Variants in SH3D19 observed in about 807,000 individuals in gnomAD.
SH3D19 encodes the protein SH3 domain-containing protein 19.
SH3D19 carries 58 observed loss-of-function variants against 112.1 expected under a neutral mutation model. The observed-to-expected ratio is 0.52, with a 90% confidence interval of 0.42 to 0.64. The LOEUF (loss-of-function observed/expected upper bound fraction) is 0.64. Ranked by LOEUF, SH3D19 falls within the 30% of genes least tolerant of loss-of-function variation. The pLI is 0.00. For synonymous variants in SH3D19, 391 were observed against 448.5 expected, an observed-to-expected ratio of 0.87 and a Z score of 1.62; for missense variants, 1,090 against 1,263.4, an observed-to-expected ratio of 0.86 and a Z score of 2.08.
At chr4:151,265,569 CT>C (rs763878307) in intron 1 of SH3D19, among the ~76,000 whole-genome samples, 4,821 of 126,100 alleles carry the variant, frequency 0.038, 338 homozygotes, top group African/African-American at 0.15. Context: ...TATTTCTTTT[CT>C]TTTTTTTTTT....
chr4:151,274,978 G>C (rs1369561414), intron 1 of SH3D19, among the ~76,000 whole-genome samples: 1 of 152,086 alleles, frequency 6.6e-6, no homozygotes, highest in Non-Finnish European at 1.5e-5. Context: ...ACTCATATGA[G>C]ATTAGAACCC....
chr4:151,177,019 T>C lies in SH3D19; in HGVS notation c.237-64A>G, dbSNP rs576485400. 66 of 1,221,532 alleles carry C rather than the reference T, an allele frequency of 5.4e-5. No homozygotes were observed. The South Asian group carries it at 2.4e-3, about 44-fold the overall frequency. The allele number at this position is 1,221,532 out of a possible 1,614,324, so 75.7% of individuals were successfully genotyped here. ...TAACAAGCTATTGTCTATCTATAAA[T>C]GTTCAAAGATTCATGAAAACCACCA... On this transcript the variant is annotated intron_variant, in intron 4 of 19. Transcript: ENST00000604030.
At chr4:151,290,985 G>C (rs1463882763) in intron 1 of SH3D19, 1 of 634,998 alleles carries the variant, frequency 1.6e-6, no homozygotes, top group Non-Finnish European at 2.7e-6. Flanking sequence ...GCAGTGATTA[G>C]TCCAGCCCCC....
chr4:151,311,969 C>T (rs1038825979), intron 1 of SH3D19, among the ~76,000 whole-genome samples: 191 of 152,024 alleles, frequency 1.3e-3, no homozygotes, highest in African/African-American at 4.5e-3. Flanking sequence ...CCAAGTATAT[C>T]GCATGGTGAC....
chr4:151,144,275 T>A, intron 11 of SH3D19: 1 of 1,614,034 alleles, frequency 6.2e-7, no homozygotes, highest in Non-Finnish European at 8.5e-7. Context: ...GGCAATTCCA[T>A]GAGGCACAGA....
intron 1 of SH3D19, among the ~76,000 whole-genome samples, chr4:151,271,143 C>CT (rs1178862965): frequency 3.9e-5 from 6 of 152,102 alleles, no homozygotes; most frequent in Non-Finnish European, 7.4e-5. Context: ...CCAGGCTGGT[C>CT]TTGAATTCCT....
chr4:151,154,938 A>C (rs1755799961), intron 9 of SH3D19, among the ~76,000 whole-genome samples: 1 of 151,820 alleles, frequency 6.6e-6, no homozygotes, highest in Non-Finnish European at 1.5e-5. Context: ...TTGTATTTTT[A>C]GCACAGATGA....
At chr4:151,319,152 G>A (rs917792810) in intron 1 of SH3D19, among the ~76,000 whole-genome samples, 1 of 152,176 alleles carries the variant, frequency 6.6e-6, no homozygotes, top group East Asian at 1.9e-4. Flanking sequence ...CCTAGCAAGC[G>A]ATTCTCCTGC....
Position 151,180,411 on chromosome 4 carries a change from C to CTT in SH3D19, c.194-1016_194-1015dup, listed in dbSNP as rs367719721. Among the ~76,000 whole-genome samples, 580 of 130,618 alleles carry CTT rather than the reference C, an allele frequency of 4.4e-3. 6 individuals carry two copies. Among genetic ancestry groups the CTT allele is most frequent in the South Asian group, 5.1e-3 (21 of 4,136 alleles). The allele number at this position is 130,618 out of a possible 152,430, so 85.7% of individuals were successfully genotyped here. On this transcript the variant is annotated intron_variant, in intron 3 of 19. Coordinates refer to ENST00000604030, the MANE Select transcript of SH3D19 (RefSeq NM_001378122.1). Reference sequence around the variant, plus strand: ...ATCACATATGGGGTCATTTTTTTTTCTTTTTTTTTTTTTTTGAGACAGTCT... The same window carrying CTT: ...ATCACATATGGGGTCATTTTTTTTTCTTTTTTTTTTTTTTTTTGAGACAGTCT...
At chr4:151,168,483 G>A (rs1370074521) in intron 7 of SH3D19, among the ~76,000 whole-genome samples, 1 of 151,374 alleles carries the variant, frequency 6.6e-6, no homozygotes, top group Non-Finnish European at 1.5e-5. Flanking sequence ...CACCCAGGCT[G>A]GAGCGCAGTG....
At chr4:151,297,985 A>C (rs1230864209) in intron 1 of SH3D19, among the ~76,000 whole-genome samples, 5 of 152,100 alleles carry the variant, frequency 3.3e-5, no homozygotes, top group African/African-American at 1.2e-4. Flanking sequence ...AGGAATGAAG[A>C]TGCTACACTG....
intron 3 of SH3D19, among the ~76,000 whole-genome samples, chr4:151,180,467 C>T (rs1386263604): frequency 5.9e-5 from 8 of 135,870 alleles, no homozygotes; most frequent in Non-Finnish European, 1.2e-4. Flanking sequence ...AGTGCAGTGG[C>T]GCGATCTTGG....
chr4:151,142,898 T>G (rs1170598151), intron 12 of SH3D19, among the ~76,000 whole-genome samples: 2 of 152,114 alleles, frequency 1.3e-5, no homozygotes, highest in Non-Finnish European at 2.9e-5. Context: ...TAGTAAAAGA[T>G]GAGAAGGTGG....
chr4:151,215,811 G>T (rs969571622), intron 2 of SH3D19, among the ~76,000 whole-genome samples: 4 of 151,838 alleles, frequency 2.6e-5, no homozygotes. Flanking sequence ...CCTGATTTCT[G>T]GTTTCAGGAA....
chr4:151,312,375 T>G (rs890927961), intron 1 of SH3D19, among the ~76,000 whole-genome samples: 4 of 152,228 alleles, frequency 2.6e-5, no homozygotes, highest in Admixed American at 2.6e-4. Context: ...GATTCTCACC[T>G]TACATACAAC....
At chr4:151,277,670 C>T (rs966348000) in intron 1 of SH3D19, among the ~76,000 whole-genome samples, 1 of 152,064 alleles carries the variant, frequency 6.6e-6, no homozygotes, top group Admixed American at 6.5e-5. Context: ...GCAGAGGGAA[C>T]TGGAAGAGCA....
chr4:151,146,399 C>A (rs1753922303), intron 11 of SH3D19, among the ~76,000 whole-genome samples: 1 of 152,078 alleles, frequency 6.6e-6, no homozygotes, highest in Non-Finnish European at 1.5e-5. Context: ...TGGGTTCAAG[C>A]AGTTGGCTTC....
intron 1 of SH3D19, among the ~76,000 whole-genome samples, chr4:151,258,842 G>C (rs1772145910): frequency 6.6e-6 from 1 of 152,138 alleles, no homozygotes; most frequent in Non-Finnish European, 1.5e-5. Context: ...CTGGGATCCT[G>C]AGTCCAGGGG....
intron 2 of SH3D19, among the ~76,000 whole-genome samples, chr4:151,192,332 T>C (rs892582879): frequency 6.6e-6 from 1 of 152,180 alleles, no homozygotes; most frequent in Non-Finnish European, 1.5e-5. Flanking sequence ...ATCTGTAATA[T>C]GAGGATACTA....
Sources: gnomAD v4.1 joint callset for allele counts (sites outside exome capture counted in the v4.1 genomes callset) on GRCh38, gnomAD v4.1.1 for gene constraint, MANE v1.5 for transcripts, NCBI Gene and HGNC (gene_info 2026-07-23, HGNC 2026-07-21) for gene names.